The following ERBB4 variants were observed in gnomAD, a reference collection of about 807,000 sequenced individuals.
ERBB4 encodes the protein erb-b2 receptor tyrosine kinase 4.
A neutral mutation model predicts 158.0 loss-of-function variants in ERBB4; 42 were observed. The observed-to-expected ratio is 0.27, with a 90% CI of 0.21 to 0.34. ERBB4 has a LOEUF of 0.34. ERBB4 is among the 10% of genes least tolerant of loss of function. The pLI is 1.00. For synonymous variants in ERBB4, 583 were observed against 558.7 expected (o/e 1.04, Z -0.61); for missense variants, 1,333 against 1,624.1 (o/e 0.82, Z 3.08).
At chr2:212,408,715 T>G (rs1045231022) in intron 1 of ERBB4, among the ~76,000 whole-genome samples, 2 of 152,176 alleles carry the variant, frequency 1.3e-5, no homozygotes, top group African/African-American at 4.8e-5. Context: ...ACATTCTGAT[T>G]TAATTAATGA....
intron 3 of ERBB4, among the ~76,000 whole-genome samples, chr2:211,868,360 T>G (rs1367019407): frequency 6.6e-6 from 1 of 152,214 alleles, no homozygotes; most frequent in Admixed American, 6.5e-5. Flanking sequence ...TCTTTAGGTT[T>G]TGTGAAATGA....
chr2:212,063,845 T>C (rs1278659943), intron 2 of ERBB4, among the ~76,000 whole-genome samples: 1 of 152,172 alleles, frequency 6.6e-6, no homozygotes, highest in Non-Finnish European at 1.5e-5. Flanking sequence ...TTGATTACTA[T>C]TTGCCAGATG....
chr2:212,521,400 C>A (rs1397646939), intron 1 of ERBB4, among the ~76,000 whole-genome samples: 1 of 151,794 alleles, frequency 6.6e-6, no homozygotes, highest in Admixed American at 6.6e-5. Flanking sequence ...TCATGACAGT[C>A]CATGTGTACA....
intron 1 of ERBB4, among the ~76,000 whole-genome samples, chr2:212,295,428 G>T (rs560904195): frequency 2.4e-4 from 36 of 152,058 alleles, no homozygotes; most frequent in African/African-American, 8.2e-4. Flanking sequence ...TCAACTCAAA[G>T]AATTTTCACT....
chr2:212,029,984 G>A (rs2076863973), intron 2 of ERBB4, among the ~76,000 whole-genome samples: 1 of 152,076 alleles, frequency 6.6e-6, no homozygotes, highest in Non-Finnish European at 1.5e-5. Context: ...CTATCAAGAT[G>A]AGCCATTCAG....
At chr2:212,283,000 A>G (rs1374799064) in intron 1 of ERBB4, among the ~76,000 whole-genome samples, 1 of 151,984 alleles carries the variant, frequency 6.6e-6, no homozygotes, top group African/African-American at 2.4e-5. Context: ...AACTCCACCA[A>G]GAGAAACTGG....
At chr2:211,669,619 A>C (rs2071763124) in intron 14 of ERBB4, among the ~76,000 whole-genome samples, 1 of 152,232 alleles carries the variant, frequency 6.6e-6, no homozygotes, top group African/African-American at 2.4e-5. Context: ...TGGACAGACA[A>C]GGACATAAGC....
At chr2:212,177,543 C>T (rs1282268736) in intron 1 of ERBB4, among the ~76,000 whole-genome samples, 2 of 151,786 alleles carry the variant, frequency 1.3e-5, no homozygotes, top group Admixed American at 6.6e-5. Flanking sequence ...GAGATATAAA[C>T]CATCCCCTAC....
intron 1 of ERBB4, among the ~76,000 whole-genome samples, chr2:212,165,130 T>C (rs182816442): frequency 8.6e-5 from 13 of 152,034 alleles, no homozygotes; most frequent in African/African-American, 3.1e-4. Flanking sequence ...ACCTGAATTT[T>C]CCTATTTCAT....
intron 20 of ERBB4, among the ~76,000 whole-genome samples, chr2:211,470,275 T>G (rs1322574621): frequency 6.6e-6 from 1 of 152,124 alleles, no homozygotes; most frequent in Non-Finnish European, 1.5e-5. Flanking sequence ...TATGGCTACA[T>G]TCTTAAAAAG....
intron 2 of ERBB4, among the ~76,000 whole-genome samples, chr2:212,102,491 A>C (rs1240578130): frequency 6.6e-6 from 1 of 152,106 alleles, no homozygotes; most frequent in Non-Finnish European, 1.5e-5. Context: ...AAAGAAAAAA[A>C]GTCTCTTTTC....
chr2:211,514,005 T>C (rs1183169967), intron 20 of ERBB4, among the ~76,000 whole-genome samples: 1 of 152,138 alleles, frequency 6.6e-6, no homozygotes, highest in Non-Finnish European at 1.5e-5. Flanking sequence ...CTTCTAGCTA[T>C]TTTGAAATAT....
At chr2:212,064,046 A>C (rs2077864870) in intron 2 of ERBB4, among the ~76,000 whole-genome samples, 1 of 152,092 alleles carries the variant, frequency 6.6e-6, no homozygotes, top group African/African-American at 2.4e-5. Flanking sequence ...GGAGCAGAAA[A>C]ATCTTTCCCT....
chr2:211,937,750 AC>A (rs2125113243), intron 3 of ERBB4, among the ~76,000 whole-genome samples: 1 of 152,170 alleles, frequency 6.6e-6, no homozygotes, highest in African/African-American at 2.4e-5. Context: ...GGGAAAACCA[AC>A]CCCATGATTC....
chr2:211,501,272 T>C (rs1017137621), intron 20 of ERBB4, among the ~76,000 whole-genome samples: 24 of 151,812 alleles, frequency 1.6e-4, no homozygotes, highest in South Asian at 4.2e-4. Flanking sequence ...TAAGATCTAA[T>C]ATTTACTACC....
At chr2:212,364,573 G>T (rs548326604) in intron 1 of ERBB4, among the ~76,000 whole-genome samples, 1 of 151,752 alleles carries the variant, frequency 6.6e-6, no homozygotes, top group African/African-American at 2.4e-5. Context: ...AATCAGCTGT[G>T]ACCATAATGA....
At chr2:212,102,202 T>C (rs1054239271) in intron 2 of ERBB4, among the ~76,000 whole-genome samples, 10 of 150,564 alleles carry the variant, frequency 6.6e-5, no homozygotes, top group African/African-American at 1.5e-4. Context: ...CATAATTTTA[T>C]TTTCTCTAAC....
intron 3 of ERBB4, among the ~76,000 whole-genome samples, chr2:211,914,727 T>C (rs963375679): frequency 5.3e-5 from 8 of 152,106 alleles, no homozygotes; most frequent in African/African-American, 1.9e-4. Context: ...TAACATGCAT[T>C]TTACCTAAAC....
chr2:212,386,459 C>A (rs1224505907), intron 1 of ERBB4, among the ~76,000 whole-genome samples: 1 of 151,664 alleles, frequency 6.6e-6, no homozygotes, highest in Non-Finnish European at 1.5e-5. Flanking sequence ...CCAAATAGAT[C>A]TAAACTTATT....
Sources: allele counts gnomAD v4.1 joint callset (sites outside exome capture counted in the v4.1 genomes callset), GRCh38; gene constraint gnomAD v4.1.1; transcripts MANE v1.5; gene names NCBI Gene and HGNC (gene_info 2026-07-23, HGNC 2026-07-21).